Variants in XKR9 observed in about 807,000 individuals in gnomAD.
The protein encoded by XKR9 is XK-related protein 9.
Under a neutral mutation model 32.0 loss-of-function variants are expected in XKR9, and 32 were observed. The ratio of observed to expected loss-of-function variants is 1.00; its 90% CI spans 0.76 to 1.34. XKR9 has a LOEUF of 1.34. Ranked by LOEUF, XKR9 falls within the 40% of genes most tolerant of loss-of-function variation. The probability of loss-of-function intolerance (pLI) is 0.00; values close to 1 mark genes in which losing one functional copy is unlikely to be tolerated. For missense variants in XKR9, 546 were observed against 429.7 expected (o/e 1.27, Z -2.39); for synonymous variants, 168 against 143.4 (o/e 1.17, Z -1.22).
chr8:70,933,761 T>C, the XKR9 span, among the ~76,000 whole-genome samples: 1 of 152,064 alleles, frequency 6.6e-6, no homozygotes, highest in South Asian at 2.1e-4. Context: ...TCTGATTTGA[T>C]TTTTATACTC....
chr8:70,895,349 G>T, the XKR9 span, among the ~76,000 whole-genome samples: 1 of 152,162 alleles, frequency 6.6e-6, no homozygotes, highest in South Asian at 2.1e-4. Context: ...TGAAAATATC[G>T]CTGTTTATTC....
chr8:70,719,873 A>G (rs776375574), intron 4 of XKR9, among the ~76,000 whole-genome samples: 14 of 152,148 alleles, frequency 9.2e-5, no homozygotes, highest in Non-Finnish European at 1.5e-4. Flanking sequence ...CATTGAATCT[A>G]TAAATTACTT....
downstream of XKR9, among the ~76,000 whole-genome samples, chr8:70,791,850 G>C (rs917580329): frequency 6.6e-6 from 1 of 151,946 alleles, no homozygotes; most frequent in African/African-American, 2.4e-5. Context: ...AATTTATTAG[G>C]GTTTACTAAG....
Position 70,734,559 on chromosome 8 carries a change from A to C in XKR9, c.*135A>C, listed in dbSNP as rs1806803646. ...ATTAGTTCAGTGAAATAGGAGATAC[A>C]TAGTAGTATTTTATTTTTAAAATTA... On this transcript the variant is annotated 3_prime_UTR_variant, in exon 5 of 5. Transcript: ENST00000408926. The C allele has an allele frequency of 3.5e-6, 4 of 1,134,286 alleles. No homozygotes were observed. The South Asian group carries it at 1.1e-4, about 32-fold the overall frequency. 70.3% of individuals were successfully genotyped at this position (1,134,286 alleles called of 1,614,324 possible).
chr8:70,777,160 T>C (rs185174532), intron 2 of XKR9, among the ~76,000 whole-genome samples: 1 of 151,644 alleles, frequency 6.6e-6, no homozygotes, highest in Admixed American at 6.6e-5. Flanking sequence ...CCTATGTCCA[T>C]GTGTTCTCAT....
At chr8:70,802,041 A>G in the XKR9 span, among the ~76,000 whole-genome samples, 1 of 148,876 alleles carries the variant, frequency 6.7e-6, no homozygotes, top group African/African-American at 2.5e-5. Context: ...GGTTCACGCC[A>G]TTCTCCTGCC....
the XKR9 span, among the ~76,000 whole-genome samples, chr8:70,939,642 T>A: frequency 6.6e-6 from 1 of 151,852 alleles, no homozygotes; most frequent in Non-Finnish European, 1.5e-5. Context: ...GGGGATGCCA[T>A]AGTCTCAGTC....
the XKR9 span, among the ~76,000 whole-genome samples, chr8:70,890,728 A>G: frequency 1.2e-3 from 177 of 152,014 alleles, no homozygotes; most frequent in Non-Finnish European, 2.2e-3. Flanking sequence ...AGGATTTTGC[A>G]TCTATCATCA....
intron 4 of XKR9, among the ~76,000 whole-genome samples, chr8:70,710,277 T>C (rs531987842): frequency 5.6e-4 from 86 of 152,248 alleles, no homozygotes; most frequent in Non-Finnish European, 3.1e-4. Flanking sequence ...TTTTACCATA[T>C]ACAAAAATCA....
chr8:70,740,478 A>G (rs1175213631), downstream of XKR9, among the ~76,000 whole-genome samples: 1 of 152,188 alleles, frequency 6.6e-6, no homozygotes, highest in African/African-American at 2.4e-5. Flanking sequence ...CGTCAAAGTC[A>G]TTCTCTGTCC....
At chr8:70,876,200 T>C in the XKR9 span, among the ~76,000 whole-genome samples, 2 of 151,346 alleles carry the variant, frequency 1.3e-5, no homozygotes, top group African/African-American at 4.9e-5. Context: ...TTTGCTTTTC[T>C]TTATCAGAAG....
rs189219499 is a variant in XKR9, at chr8:70,785,185, A to G, written n.353-4154A>G. On this transcript the variant is annotated intron_variant and non_coding_transcript_variant, in intron 2 of 3. Transcript: ENST00000520273. Reference sequence around the variant, plus strand: ...TTTTTATTACTGATTGTATCTCCTTACTAATTATTGGTCTCTTCAGATTTT... The same window carrying G: ...TTTTTATTACTGATTGTATCTCCTTGCTAATTATTGGTCTCTTCAGATTTT... 2.6e-5 allele frequency among the ~76,000 whole-genome samples: 4 copies of G among 152,050 alleles called. No individual in the cohort carries two copies. In the East Asian group the frequency reaches 7.7e-4, roughly 29 times the overall value.
At chr8:70,878,730 A>G in the XKR9 span, among the ~76,000 whole-genome samples, 1 of 152,186 alleles carries the variant, frequency 6.6e-6, no homozygotes, top group Admixed American at 6.5e-5. Flanking sequence ...CCCACTGTCA[A>G]CATTAGACAG....
chr8:70,992,821 C>A, the XKR9 span, among the ~76,000 whole-genome samples: 2 of 152,222 alleles, frequency 1.3e-5, no homozygotes, highest in Non-Finnish European at 2.9e-5. Flanking sequence ...GGCAGAGCAC[C>A]TTCCCCTCAG....
At chr8:70,821,671 T>G in the XKR9 span, among the ~76,000 whole-genome samples, 1 of 152,214 alleles carries the variant, frequency 6.6e-6, no homozygotes, top group African/African-American at 2.4e-5. Context: ...CAACATCACA[T>G]GTAAACTGAC....
the XKR9 span, among the ~76,000 whole-genome samples, chr8:70,829,488 T>G: frequency 0.53 from 80,829 of 151,940 alleles, 22,510 homozygotes; most frequent in Middle Eastern, 0.62. Context: ...TCGCCCTGTC[T>G]CCCAGGCTGG....
chr8:71,012,514 A>C, the XKR9 span, among the ~76,000 whole-genome samples: 4 of 152,184 alleles, frequency 2.6e-5, no homozygotes, highest in African/African-American at 9.7e-5. Flanking sequence ...ACCCTGGGAA[A>C]GTCAAAAATT....
intron 2 of XKR9, among the ~76,000 whole-genome samples, chr8:70,772,333 C>T (rs1451400691): frequency 6.6e-6 from 1 of 152,148 alleles, no homozygotes; most frequent in Non-Finnish European, 1.5e-5. Context: ...GGAAAAGATG[C>T]ACCTCTCTTT....
the XKR9 span, among the ~76,000 whole-genome samples, chr8:70,995,117 T>C: frequency 6.6e-6 from 1 of 152,172 alleles, no homozygotes; most frequent in Non-Finnish European, 1.5e-5. Context: ...GCAGAGGGCA[T>C]TTCTTGTATC....
Sources: gnomAD v4.1 joint callset for allele counts (sites outside exome capture counted in the v4.1 genomes callset) on GRCh38, gnomAD v4.1.1 for gene constraint, MANE v1.5 for transcripts, NCBI Gene and HGNC (gene_info 2026-07-23, HGNC 2026-07-21) for gene names.